The following PDE1C variants were observed in gnomAD, a reference collection of about 807,000 sequenced individuals.
The protein encoded by PDE1C is dual specificity calcium/calmodulin-dependent 3',5'-cyclic nucleotide phosphodiesterase 1C.
Under a neutral mutation model 93.1 loss-of-function variants are expected in PDE1C, and 62 were observed. That is an observed-to-expected ratio of 0.67 (90% CI 0.54 to 0.82). PDE1C has a LOEUF of 0.82. Ranked by LOEUF, PDE1C falls within the 40% of genes least tolerant of loss-of-function variation. The pLI, the probability that PDE1C is intolerant of heterozygous loss-of-function variation, is 0.00. For missense variants in PDE1C, 742 were observed against 884.6 expected (o/e 0.84, Z 2.04); for synonymous variants, 325 against 310.1 (o/e 1.05, Z -0.50).
intron 2 of PDE1C, among the ~76,000 whole-genome samples, chr7:31,946,112 ATAGT>A (rs1220734190): frequency 6.6e-6 from 1 of 152,048 alleles, no homozygotes; most frequent in African/African-American, 2.4e-5. Context: ...TATATCAATC[ATAGT>A]TATTTTTTTA....
intron 1 of PDE1C, among the ~76,000 whole-genome samples, chr7:32,292,048 AC>A (rs1428270003): frequency 6.6e-6 from 1 of 152,134 alleles, no homozygotes; most frequent in African/African-American, 2.4e-5. Context: ...ATATTTATTA[AC>A]CTACCAATAA....
At chr7:32,106,743 A>T (rs767947584) in intron 3 of PDE1C, among the ~76,000 whole-genome samples, 1 of 152,232 alleles carries the variant, frequency 6.6e-6, no homozygotes, top group Non-Finnish European at 1.5e-5. Context: ...ACTCTACATC[A>T]GTTCTTTTAT....
chr7:31,996,794 T>G (rs949939150), intron 2 of PDE1C, among the ~76,000 whole-genome samples: 1 of 152,134 alleles, frequency 6.6e-6, no homozygotes, highest in Non-Finnish European at 1.5e-5. Context: ...ATACCTTATT[T>G]TAAGAAATAT....
chr7:32,218,579 T>C (rs1040440592), intron 1 of PDE1C, among the ~76,000 whole-genome samples: 1 of 152,236 alleles, frequency 6.6e-6, no homozygotes, highest in Non-Finnish European at 1.5e-5. Context: ...CTTTTTCTTT[T>C]AGTTTGGAAG....
chr7:31,665,092 A>G, the PDE1C span, among the ~76,000 whole-genome samples: 3 of 151,882 alleles, frequency 2.0e-5, no homozygotes, highest in South Asian at 2.1e-4. Context: ...CTCTCTCACT[A>G]TGTTGCAACA....
intron 2 of PDE1C, among the ~76,000 whole-genome samples, chr7:32,005,976 C>A (rs1786195816): frequency 6.6e-6 from 1 of 152,074 alleles, no homozygotes; most frequent in South Asian, 2.1e-4. Context: ...TTAAAGTATT[C>A]ATGAAAAATA....
intron 1 of PDE1C, among the ~76,000 whole-genome samples, chr7:32,332,224 T>C (rs1451745214): frequency 6.6e-6 from 1 of 151,960 alleles, no homozygotes; most frequent in African/African-American, 2.4e-5. Flanking sequence ...AACAGAAGAT[T>C]TGAACAGGCA....
intron 7 of PDE1C, among the ~76,000 whole-genome samples, chr7:31,854,074 G>T (rs1793696615): frequency 1.3e-5 from 2 of 152,066 alleles, no homozygotes; most frequent in Non-Finnish European, 2.9e-5. Context: ...TGTACAGACA[G>T]TGTGGAGGTA....
At chr7:32,182,134 G>T (rs1172462944) in intron 2 of PDE1C, among the ~76,000 whole-genome samples, 7 of 152,092 alleles carry the variant, frequency 4.6e-5, no homozygotes, top group African/African-American at 1.4e-4. Context: ...CCAATAACAG[G>T]CTCTGAAGTT....
intron 1 of PDE1C, among the ~76,000 whole-genome samples, chr7:32,328,935 A>G (rs1163933830): frequency 5.9e-5 from 9 of 152,240 alleles, no homozygotes. Context: ...TGATTGACTT[A>G]ATAAATAGTA....
At chr7:32,206,163 T>C (rs1178873001) in intron 2 of PDE1C, among the ~76,000 whole-genome samples, 1 of 152,138 alleles carries the variant, frequency 6.6e-6, no homozygotes, top group Non-Finnish European at 1.5e-5. Context: ...ACATGGTGGC[T>C]GCTGGGGACT....
chr7:31,651,224 T>C, the PDE1C span: 5 of 1,613,584 alleles, frequency 3.1e-6, no homozygotes, highest in East Asian at 8.9e-5. Flanking sequence ...CAGCACCTTA[T>C]GGGACAGCAG....
chr7:31,705,249 G>C, the PDE1C span, among the ~76,000 whole-genome samples: 1 of 152,022 alleles, frequency 6.6e-6, no homozygotes, highest in Non-Finnish European at 1.5e-5. Flanking sequence ...AAGTTTCCAG[G>C]GTACCAAAAG....
intron 3 of PDE1C, among the ~76,000 whole-genome samples, chr7:32,140,326 T>C (rs56159816): frequency 0.17 from 26,243 of 152,168 alleles, 2,961 homozygotes; most frequent in Middle Eastern, 0.25. Context: ...AAAACCCACA[T>C]ACTTCTCTTC....
At chr7:31,951,365 T>A in intron 2 of PDE1C, among the ~76,000 whole-genome samples, 1 of 152,182 alleles carries the variant, frequency 6.6e-6, no homozygotes, top group South Asian at 2.1e-4. Flanking sequence ...AAGAGTAGGT[T>A]CCAAACCTAT....
intron 2 of PDE1C, among the ~76,000 whole-genome samples, chr7:31,985,974 C>T (rs542496314): frequency 8.7e-4 from 133 of 152,250 alleles, no homozygotes; most frequent in Non-Finnish European, 1.6e-3. Context: ...GCCAACTCCC[C>T]TCACAGTTAG....
chr7:32,070,489 G>A (rs1202989722), upstream of PDE1C: 2 of 1,563,040 alleles, frequency 1.3e-6, no homozygotes, highest in Non-Finnish European at 8.7e-7. Flanking sequence ...AGCCAGGCGC[G>A]GCGCGCGTTT....
At chr7:31,773,059 G>A (rs545777617) in intron 17 of PDE1C, among the ~76,000 whole-genome samples, 3 of 152,180 alleles carry the variant, frequency 2.0e-5, no homozygotes, top group Non-Finnish European at 4.4e-5. Flanking sequence ...AGCTCCTTCC[G>A]TGCACCCCTC....
chr7:32,302,617 T>C (rs1420442988), upstream of PDE1C, among the ~76,000 whole-genome samples: 2 of 152,390 alleles, frequency 1.3e-5, no homozygotes, highest in East Asian at 3.8e-4. Flanking sequence ...TGGTGGATTC[T>C]ACTACATGTC....
Sources: allele counts gnomAD v4.1 joint callset (sites outside exome capture counted in the v4.1 genomes callset), GRCh38; gene constraint gnomAD v4.1.1; transcripts MANE v1.5; gene names NCBI Gene and HGNC (gene_info 2026-07-23, HGNC 2026-07-21).